The following PSG3 variants were observed in gnomAD, a reference collection of about 807,000 sequenced individuals.
The protein encoded by PSG3 is pregnancy specific beta-1-glycoprotein 3.
Under a neutral mutation model 47.5 loss-of-function variants are expected in PSG3, and 61 were observed. That is an observed-to-expected ratio of 1.28 (90% CI 1.05 to 1.59). The LOEUF (loss-of-function observed/expected upper bound fraction) is 1.59. PSG3 is among the 40% of genes most tolerant of loss of function. The probability of loss-of-function intolerance (pLI) is 0.00; values close to 1 mark genes in which losing one functional copy is unlikely to be tolerated. For missense variants in PSG3, 756 were observed against 524.0 expected, an observed-to-expected ratio of 1.44 and a Z score of -4.32; for synonymous variants, 263 against 198.4, an observed-to-expected ratio of 1.33 and a Z score of -2.74.
At position 42,733,370 on chromosome 19, in the gene PSG3, G is replaced by C. The variant is rs2353147; in HGVS notation, c.431-308C>G. On this transcript the variant is annotated intron_variant, in intron 2 of 6. Coordinates refer to ENST00000327495, the MANE Select transcript of PSG3 (RefSeq NM_021016.4). ...CCTCTCTGAGTCCCTCCATCTCGAA[G>C]TGCCTGCCTGGCCCACCTTGTGGTC... 1.3e-3 allele frequency: 536 copies of C among 403,974 alleles called. 6 individuals are homozygous for C. The highest frequency in any genetic ancestry group is 0.011 in the East Asian group (251 of 22,740). 25.0% of individuals were successfully genotyped at this position (403,974 alleles called of 1,614,324 possible). A position where few individuals can be genotyped will look rare whatever the true frequency, so the allele number is the denominator to read the frequency against.
chr19:42,723,160 T>C (rs1969324206), intron 6 of PSG3, among the ~76,000 whole-genome samples: 1 of 152,200 alleles, frequency 6.6e-6, no homozygotes, highest in African/African-American at 2.4e-5. Flanking sequence ...GAACTGGTCA[T>C]CAGGAAAAGA....
chr19:42,725,252 AG>A (rs1969358454), intron 5 of PSG3, among the ~76,000 whole-genome samples: 4 of 152,208 alleles, frequency 2.6e-5, no homozygotes, highest in African/African-American at 9.7e-5. Context: ...GAGGTATCAG[AG>A]GTTCAGAGAA....
intron 3 of PSG3, among the ~76,000 whole-genome samples, chr19:42,730,295 T>C (rs1309316216): frequency 6.6e-6 from 1 of 152,198 alleles, no homozygotes; most frequent in Non-Finnish European, 1.5e-5. Flanking sequence ...GCAGCAGTGT[T>C]GGGTCATGGA....
At chr19:42,732,738 T>C (rs751111401) in intron 3 of PSG3, 46 bp downstream of exon 3, 4 of 1,613,972 alleles carry the variant, frequency 2.5e-6, no homozygotes, top group Admixed American at 1.7e-5. Context: ...TGGCCACGTG[T>C]ATTTGGGATG....
At chr19:42,732,390 C>G (rs1454286519) in intron 3 of PSG3, 1 of 317,960 alleles carries the variant, frequency 3.1e-6, no homozygotes, top group Non-Finnish European at 6.0e-6. Context: ...CCATGTGGAG[C>G]AAAGAGAATA....
intron 2 of PSG3, among the ~76,000 whole-genome samples, chr19:42,736,112 T>C (rs1232577310): frequency 6.6e-6 from 1 of 152,200 alleles, no homozygotes; most frequent in East Asian, 1.9e-4. Flanking sequence ...ACTGCCTTTG[T>C]AAAACTAGTG....
intron 2 of PSG3, 152 bp from the exon 3 acceptor site, chr19:42,733,214 G>GCAAT: frequency 6.9e-7 from 1 of 1,450,686 alleles, no homozygotes; most frequent in Non-Finnish European, 9.2e-7. Context: ...CAGATGCATG[G>GCAAT]CAATCTGAGG....
At position 42,732,896 on chromosome 19, in the gene PSG3, T is replaced by C. The variant is rs17173152; in HGVS notation, c.597A>G (p.Lys199=). ...MTHSLQLSKN[K]RTLFLFGVTK... is the part of the protein sequence containing the mutation. The stretch of plus-strand genomic sequence containing the variant: ...TGACACCAAATAGAAAGAGGGTCCT[T>C]TTGTTTTTGGACAACTGCAAGCTGT... The change falls in exon 3 of 7, where the codon AAA becomes AAG. Residue 199 remains lysine (K), a synonymous_variant. Transcript: ENST00000327495. 4.3e-6 allele frequency: 7 copies of C among 1,614,092 alleles called. No homozygotes were observed. The South Asian group carries it at 7.7e-5, about 18-fold the overall frequency.
chr19:42,731,514 G>A (rs1311417266), intron 3 of PSG3, among the ~76,000 whole-genome samples: 1 of 152,130 alleles, frequency 6.6e-6, no homozygotes, highest in African/African-American at 2.4e-5. Flanking sequence ...GCCTTGGGAT[G>A]TGAGAAAGGC....
chr19:42,739,817 GA>G (rs1410689282), intron 1 of PSG3, among the ~76,000 whole-genome samples: 4 of 152,178 alleles, frequency 2.6e-5, no homozygotes, highest in Non-Finnish European at 5.9e-5. Context: ...CAGGAAAACA[GA>G]ACACTTAAGA....
chr19:42,732,612 T>G (rs1165490356), intron 3 of PSG3, 172 bp downstream of exon 3: 20 of 1,462,850 alleles, frequency 1.4e-5, no homozygotes, highest in African/African-American at 2.8e-5. Flanking sequence ...CTCCTATTGT[T>G]GATCAAGCCT....
At chr19:42,728,090 G>T (rs569745441) in intron 5 of PSG3, among the ~76,000 whole-genome samples, 48 of 152,256 alleles carry the variant, frequency 3.2e-4, no homozygotes, top group Middle Eastern at 3.4e-3. Flanking sequence ...GAGACAGAAA[G>T]TAGAATGGTG....
chr19:42,730,004 A>T lies in PSG3; in HGVS notation c.762T>A (p.Asn254Lys). The stretch of plus-strand genomic sequence containing the variant: ...CACAGGTGAAGGCTAAGACATCCTT[A>T]TTCTCCCTGGGGTTTAAGTTGTTGA... The part of the protein sequence containing the change: ...ITINNLNPRE[N>K]KDVLAFTCEP... The change falls in exon 4 of 7, where the codon AAT becomes AAA. Residue 254 changes from asparagine (N) to lysine (K), a missense_variant. Asn to Lys is a moderately conservative substitution (Grantham distance 94, BLOSUM62 0). Transcript: ENST00000327495. 2 of 1,612,446 alleles carry T rather than the reference A, an allele frequency of 1.2e-6. No homozygotes were observed. The highest frequency in any genetic ancestry group is 1.7e-6 in the Non-Finnish European group (2 of 1,179,830).
intron 3 of PSG3, chr19:42,732,054 G>T (rs958656609): frequency 6.5e-6 from 1 of 152,936 alleles, no homozygotes; most frequent in African/African-American, 2.4e-5. Flanking sequence ...TTTGCAGAGG[G>T]CAGGTGGCTC....
chr19:42,731,950 A>T (rs1414484720), intron 3 of PSG3: 1 of 151,470 alleles, frequency 6.6e-6, no homozygotes, highest in Non-Finnish European at 1.5e-5. Flanking sequence ...TAGTCTAAAG[A>T]ATGATCTAGA....
rs1969429687 is a variant in PSG3 at position 42,729,305 on chromosome 19, C to G, written c.1061G>C (p.Cys354Ser). Residue 354 changes from cysteine to serine, a missense_variant, in exon 5 of 7, where the codon TGC becomes TCC. Physicochemically the swap from Cys to Ser is moderately radical, Grantham distance 112 (BLOSUM62 -1). Coordinates refer to ENST00000327495, the MANE Select transcript of PSG3 (RefSeq NM_021016.4). The part of the protein sequence containing the change: ...YHSGENLYLS[C>S]FADSNPPAEY... ...TGCTGGTGGGTTAGAGTCCGCGAAG[C>G]AGGACAAGTAGAGGTTTTCTCCTGA... 4.3e-6 allele frequency: 7 copies of G among 1,614,132 alleles called. No homozygotes were observed. Among genetic ancestry groups the G allele is most frequent in the Non-Finnish European group, 5.1e-6 (6 of 1,179,984 alleles).
chr19:42,732,463 C>A (rs1286889159), intron 3 of PSG3: 9 of 531,626 alleles, frequency 1.7e-5, no homozygotes, highest in South Asian at 1.6e-4. Context: ...GCCACAGTGA[C>A]CCTGTGAGCC....
At position 42,732,994 on chromosome 19, in the gene PSG3, A is replaced by C. The variant is rs754416175; in HGVS notation, c.499T>G (p.Leu167Val). Reference sequence around the variant, plus strand: ...TCCGGAGTCTCAGGATCACAGGTTAAGCTCACAGCCTCCATGTCCTCCCTG... The same window carrying C: ...TCCGGAGTCTCAGGATCACAGGTTACGCTCACAGCCTCCATGTCCTCCCTG... ...YPREDMEAVS[L>V]TCDPETPDAS... The change falls in exon 3 of 7, where the codon TTA becomes GTA. Residue 167 changes from leucine (L) to valine (V), a missense_variant. Transcript: ENST00000327495. 1 of 1,614,194 alleles carries C rather than the reference A, an allele frequency of 6.2e-7. No individual in the cohort carries two copies. The highest frequency in any genetic ancestry group is 1.1e-5 in the South Asian group (1 of 91,076).
At position 42,723,945 on chromosome 19, in the gene PSG3, C is replaced by A; in HGVS notation, c.*37G>T. The A allele has an allele frequency of 6.3e-7, 1 of 1,580,572 alleles. No homozygotes were observed. The highest frequency in any genetic ancestry group is 8.7e-7 in the Non-Finnish European group (1 of 1,149,596). On this transcript the variant is annotated 3_prime_UTR_variant, in exon 6 of 7. Transcript: ENST00000327495. ...ATAAGAGGAAAGGTCATCATACCTG[C>A]CAGTCTTCCTGAAATACAGAAATGA...
Sources: gnomAD v4.1 joint callset for allele counts (sites outside exome capture counted in the v4.1 genomes callset) on GRCh38, gnomAD v4.1.1 for gene constraint, MANE v1.5 for transcripts, NCBI Gene and HGNC (gene_info 2026-07-23, HGNC 2026-07-21) for gene names.